The following SETBP1 variants were observed in gnomAD, a reference collection of about 807,000 sequenced individuals.
SETBP1 encodes SET binding protein 1, also known as SET-binding protein.
In SETBP1, 9 loss-of-function variants were observed where a neutral mutation model predicts 101.0. The observed-to-expected ratio is 0.09, with a 90% CI of 0.05 to 0.16. SETBP1 has a LOEUF of 0.16. Among genes scored for constraint, SETBP1 ranks in the 10% least tolerant of loss-of-function variants. The pLI, the probability that SETBP1 is intolerant of heterozygous loss-of-function variation, is 1.00. For missense variants in SETBP1, 1,858 were observed against 2,033.8 expected (o/e 0.91, Z 1.66); for synonymous variants, 818 against 788.5 (o/e 1.04, Z -0.63).
chr18:44,964,522 G>T (rs1339172814), intron 4 of SETBP1, among the ~76,000 whole-genome samples: 3 of 151,490 alleles, frequency 2.0e-5, no homozygotes, highest in East Asian at 3.9e-4. Context: ...CAATGGCAAG[G>T]ACAATAAAAA....
intron 2 of SETBP1, among the ~76,000 whole-genome samples, chr18:44,829,906 A>G (rs192627448): frequency 2.2e-4 from 34 of 152,324 alleles, no homozygotes; most frequent in Admixed American, 1.9e-3. Flanking sequence ...GGGGAAAATG[A>G]GACTTGATGG....
rs151280929 is a variant in SETBP1, at chr18:44,720,460, A to T, written c.486+18628A>T. 4.1e-3 allele frequency among the ~76,000 whole-genome samples: 621 copies of T among 152,340 alleles called. 5 individuals are homozygous for T. Among genetic ancestry groups the T allele is most frequent in the African/African-American group, 0.014 (572 of 41,572 alleles). On this transcript the variant is annotated intron_variant, in intron 2 of 5. Coordinates refer to ENST00000649279, the MANE Select transcript of SETBP1 (RefSeq NM_015559.3). ...AAAGTAGACAAATTCAGCTACACCT[A>T]GTATGAATGATGCCTGGGAATGAAG...
chr18:44,707,845 G>A (rs975834359), intron 2 of SETBP1, among the ~76,000 whole-genome samples: 8 of 152,166 alleles, frequency 5.3e-5, no homozygotes, highest in African/African-American at 1.9e-4. Flanking sequence ...CGGTTGCAGG[G>A]GTGCTGGGGA....
At chr18:44,736,665 T>C (rs1177591509) in intron 2 of SETBP1, among the ~76,000 whole-genome samples, 1 of 152,242 alleles carries the variant, frequency 6.6e-6, no homozygotes, top group African/African-American at 2.4e-5. Context: ...CAATATGATG[T>C]TGTGTATATA....
Position 44,868,700 on chromosome 18 carries a change from ACG to A in SETBP1, c.487-529_487-528del, listed in dbSNP as rs1568190441. On this transcript the variant is annotated intron_variant, in intron 2 of 5. Transcript: ENST00000649279. ...AGAGAGAGAGAGAGAGAGAGAGAGG[ACG>A]GAAGGAAGGGAGGAAGGAAGGAAGG... Among the ~76,000 whole-genome samples the A allele has an allele frequency of 6.1e-4, 20 of 32,918 alleles. 1 individual carries two copies. In the East Asian group the frequency reaches 9.5e-3, roughly 16 times the overall value. 21.6% of individuals were successfully genotyped at this position (32,918 alleles called of 152,430 possible).
In SETBP1 at chr18:44,975,801, A is replaced by G. The variant is rs531412312; in HGVS notation, c.4000+22461A>G. The stretch of plus-strand genomic sequence containing the variant: ...TCCACCCATTAAGCTATCAAAGAAT[A>G]CTAACATTCTGCAGAAGATGGTTTG... On this transcript the variant is annotated intron_variant, in intron 4 of 5. Coordinates refer to ENST00000649279, the MANE Select transcript of SETBP1 (RefSeq NM_015559.3). Among the ~76,000 whole-genome samples, 5 of 152,274 alleles carry G rather than the reference A, an allele frequency of 3.3e-5. No homozygotes were observed. The South Asian group carries it at 1.0e-3, about 32-fold the overall frequency.
chr18:44,764,331 A>T (rs1326512214), intron 2 of SETBP1, among the ~76,000 whole-genome samples: 2 of 152,298 alleles, frequency 1.3e-5, no homozygotes, highest in East Asian at 1.9e-4. Context: ...TTATGTATCC[A>T]TTCGTTATCC....
In SETBP1 at chr18:45,068,392, C is replaced by A. The variant is rs1387406668; in HGVS notation, c.*4694C>A. 6.6e-6 allele frequency: 1 copy of A among 151,636 alleles called. No homozygotes were observed. Among genetic ancestry groups the A allele is most frequent in the Non-Finnish European group, 1.5e-5 (1 of 67,930 alleles). The allele number at this position is 151,636 out of a possible 1,614,324, so 9.4% of individuals were successfully genotyped here. A position where few individuals can be genotyped will look rare whatever the true frequency, so the allele number is the denominator to read the frequency against. On this transcript the variant is annotated 3_prime_UTR_variant, in exon 6 of 6. Transcript: ENST00000649279. ...ATTTTTTTCTAAAAGAAAGCTCAGTCTTTTCCGCTACCAGATCAGGTTAGC... is the reference window on the plus strand; with the variant it reads ...ATTTTTTTCTAAAAGAAAGCTCAGTATTTTCCGCTACCAGATCAGGTTAGC...
At chr18:44,880,337 T>A (rs2069501648) in intron 3 of SETBP1, among the ~76,000 whole-genome samples, 1 of 152,014 alleles carries the variant, frequency 6.6e-6, no homozygotes, top group Non-Finnish European at 1.5e-5. Context: ...ATTGTTGACG[T>A]GGTGATAGGG....
intron 2 of SETBP1, among the ~76,000 whole-genome samples, chr18:44,769,839 G>A (rs2070835701): frequency 6.6e-6 from 1 of 152,196 alleles, no homozygotes; most frequent in Non-Finnish European, 1.5e-5. Flanking sequence ...TGTGCTGAGG[G>A]TCATCTTTTA....
intron 2 of SETBP1, among the ~76,000 whole-genome samples, chr18:44,706,384 G>C (rs528368515): frequency 6.6e-6 from 1 of 151,576 alleles, no homozygotes; most frequent in African/African-American, 2.4e-5. Context: ...TCAGGAGTTC[G>C]AGATCAGCCT....
At chr18:44,724,729 G>T (rs1048250961) in intron 2 of SETBP1, among the ~76,000 whole-genome samples, 1 of 152,134 alleles carries the variant, frequency 6.6e-6, no homozygotes, top group Non-Finnish European at 1.5e-5. Context: ...AAGGACAGGG[G>T]TTAGCAGCAG....
chr18:44,765,799 A>C (rs1190466051), intron 2 of SETBP1, among the ~76,000 whole-genome samples: 1 of 152,224 alleles, frequency 6.6e-6, no homozygotes, highest in Non-Finnish European at 1.5e-5. Flanking sequence ...AGAATTAAAA[A>C]CAAACAAGCA....
intron 1 of SETBP1, among the ~76,000 whole-genome samples, chr18:44,688,245 A>G (rs557579867): frequency 1.3e-5 from 2 of 152,310 alleles, no homozygotes; most frequent in South Asian, 2.1e-4. Context: ...TTATCTGCCA[A>G]TGATTTTCAG....
chr18:45,056,546 G>A (rs866486339), intron 5 of SETBP1, among the ~76,000 whole-genome samples: 1 of 152,240 alleles, frequency 6.6e-6, no homozygotes, highest in Non-Finnish European at 1.5e-5. Context: ...CTGCAGCTCA[G>A]TAAATTGTCT....
intron 1 of SETBP1, among the ~76,000 whole-genome samples, chr18:44,684,677 G>C (rs572003151): frequency 6.7e-6 from 1 of 150,304 alleles, no homozygotes; most frequent in South Asian, 2.1e-4. Flanking sequence ...ACAGAGTCTC[G>C]CTCTTGTTGC....
chr18:44,985,833 G>T (rs1349538879), intron 4 of SETBP1, among the ~76,000 whole-genome samples: 1 of 152,174 alleles, frequency 6.6e-6, no homozygotes, highest in East Asian at 1.9e-4. Context: ...TTACAATGAA[G>T]GGCACAGAGA....
intron 2 of SETBP1, among the ~76,000 whole-genome samples, chr18:44,768,082 GTC>G (rs2070796519): frequency 6.6e-6 from 1 of 152,164 alleles, no homozygotes; most frequent in Admixed American, 6.5e-5. Flanking sequence ...TCACTTTGGT[GTC>G]TCTGTATAGG....
intron 3 of SETBP1, among the ~76,000 whole-genome samples, chr18:44,921,162 A>G (rs2070571241): frequency 6.6e-6 from 1 of 152,234 alleles, no homozygotes; most frequent in Admixed American, 6.5e-5. Context: ...TCAACCATTG[A>G]TTTAGGAGGA....
Sources: allele counts gnomAD v4.1 joint callset (sites outside exome capture counted in the v4.1 genomes callset), GRCh38; gene constraint gnomAD v4.1.1; transcripts MANE v1.5; gene names NCBI Gene and HGNC (gene_info 2026-07-23, HGNC 2026-07-21).